The following SLC9A3 variants were observed in gnomAD, a reference collection of about 807,000 sequenced individuals.
SLC9A3 encodes the protein solute carrier family 9 member A3, also known as sodium/hydrogen exchanger 3.
Under a neutral mutation model 86.8 loss-of-function variants are expected in SLC9A3, and 37 were observed. The observed-to-expected ratio is 0.43, with a 90% CI of 0.33 to 0.56. The LOEUF (loss-of-function observed/expected upper bound fraction) is 0.56, where lower values mean the gene tolerates loss of function less well. SLC9A3 is among the 20% of genes least tolerant of loss of function. SLC9A3 has a pLI of 0.06. For synonymous variants in SLC9A3, 581 were observed against 528.3 expected, an observed-to-expected ratio of 1.10 and a Z score of -1.37; for missense variants, 1,011 against 1,171.9, an observed-to-expected ratio of 0.86 and a Z score of 2.00.
In SLC9A3 at chr5:484,383, G is replaced by A. The variant is rs149669616; in HGVS notation, c.932+137C>T. 16,581 of 234,640 alleles carry A rather than the reference G, an allele frequency of 0.071. 1,148 individuals are homozygous for A. The highest frequency in any genetic ancestry group is 0.19 in the East Asian group (1,832 of 9,554). The allele number at this position is 234,640 out of a possible 1,614,324, so 14.5% of individuals were successfully genotyped here. ...GGGTTGGGGTCCCCCTGGCTGGCTC[G>A]CCCCGCCGGACCCAGGAGGGTGTGG... On this transcript the variant is annotated intron_variant, in intron 5 of 16. Transcript: ENST00000264938.
chr5:498,939 G>A (rs550175803), intron 1 of SLC9A3, among the ~76,000 whole-genome samples: 1 of 152,306 alleles, frequency 6.6e-6, no homozygotes, highest in East Asian at 1.9e-4. Context: ...AGGGTGGGGG[G>A]TCTCCTGGGC....
intron 1 of SLC9A3, among the ~76,000 whole-genome samples, chr5:509,731 T>C (rs575666307): frequency 6.7e-6 from 1 of 149,904 alleles, no homozygotes; most frequent in African/African-American, 2.5e-5. Context: ...TGTCAGGGAG[T>C]GAGAGGAGAA....
chr5:507,569 G>A (rs1686867083), intron 1 of SLC9A3, among the ~76,000 whole-genome samples: 1 of 151,572 alleles, frequency 6.6e-6, no homozygotes, highest in African/African-American at 2.4e-5. Flanking sequence ...CCATTCTGGG[G>A]GGATCCAAAG....
Position 479,918 on chromosome 5 carries a change from C to T in SLC9A3, c.1565G>A (p.Arg522Gln), listed in dbSNP as rs139467260. The T allele has an allele frequency of 1.0e-4, 162 of 1,613,948 alleles. No individual in the cohort carries two copies. In the African/African-American group the frequency reaches 1.8e-3, roughly 18 times the overall value. ...RKFLSRVLMR[R>Q]SAQKSRDRIL... Reference sequence around the variant, plus strand: ...CCGGTCTCGAGACTTCTGGGCCGACCGTCTCATGAGGACCCTGCTGAGGAA... The same window carrying T: ...CCGGTCTCGAGACTTCTGGGCCGACTGTCTCATGAGGACCCTGCTGAGGAA... Residue 522 changes from arginine to glutamine, a missense_variant, in exon 10 of 17, where the codon CGG (arginine) becomes CAG (glutamine). Arg to Gln is a conservative substitution (Grantham distance 43, BLOSUM62 1). Transcript: ENST00000264938.
At chr5:481,709 C>A (rs1474128452) in intron 8 of SLC9A3, 74 bp from the exon 9 acceptor site, 9 of 1,307,820 alleles carry the variant, frequency 6.9e-6, no homozygotes, top group Admixed American at 1.7e-5. Context: ...CCACTCCTGG[C>A]CCAGCCCCGA....
Position 473,333 on chromosome 5 carries a change from G to A in SLC9A3, c.*46C>T, listed in dbSNP as rs1723816757. The A allele has an allele frequency of 1.4e-6, 2 of 1,410,152 alleles. No individual in the cohort carries two copies. Among genetic ancestry groups the A allele is most frequent in the Non-Finnish European group, 1.9e-6 (2 of 1,076,292 alleles). The allele number at this position is 1,410,152 out of a possible 1,614,324, so 87.4% of individuals were successfully genotyped here. On this transcript the variant is annotated 3_prime_UTR_variant, in exon 17 of 17. Transcript: ENST00000264938. Reference sequence around the variant, plus strand: ...CAGCGGCGGCGGCGGTGGGCGGACCGTGGCGCGGGGACGAGCGGCCGGTTA... The same window carrying A: ...CAGCGGCGGCGGCGGTGGGCGGACCATGGCGCGGGGACGAGCGGCCGGTTA...
chr5:473,651 C>T (rs1040725849), intron 16 of SLC9A3, among the ~76,000 whole-genome samples: 2 of 152,328 alleles, frequency 1.3e-5, no homozygotes, highest in East Asian at 3.9e-4. Flanking sequence ...CAGGAAGGTC[C>T]CGCCCCAGGC....
intron 1 of SLC9A3, among the ~76,000 whole-genome samples, chr5:492,410 G>A (rs1439815922): frequency 8.1e-6 from 1 of 123,308 alleles, no homozygotes; most frequent in East Asian, 2.6e-4. Flanking sequence ...GGAGGTCGGG[G>A]TGGGACCTGC....
chr5:498,766 C>T (rs753181359), intron 1 of SLC9A3, among the ~76,000 whole-genome samples: 2 of 152,216 alleles, frequency 1.3e-5, no homozygotes, highest in Admixed American at 6.5e-5. Context: ...TCTGCACAAC[C>T]CCGCTTTGGG....
rs967876197 is a variant in SLC9A3, at chr5:481,723, A to G, written c.1447-88T>C. 37 of 1,128,832 alleles carry G rather than the reference A, an allele frequency of 3.3e-5. No homozygotes were observed. The Admixed American group carries it at 6.1e-4, about 19-fold the overall frequency. 69.9% of individuals were successfully genotyped at this position (1,128,832 alleles called of 1,614,324 possible). ...TCCACTCCTGGCCCAGCCCCGAGGA[A>G]CCCACCAGCCCCCCTCACCACGCCC... is the stretch of plus-strand genomic sequence containing the variant. On this transcript the variant is annotated intron_variant, in intron 8 of 16. Transcript: ENST00000264938.
chr5:481,581 T>G lies in SLC9A3; in HGVS notation c.1501A>C (p.Asn501His), dbSNP rs755641831. The change falls in exon 9 of 17, where the codon AAT (asparagine) becomes CAT (histidine). Residue 501 changes from asparagine (N) to histidine (H), a missense_variant. Coordinates refer to ENST00000264938, the MANE Select transcript of SLC9A3 (RefSeq NM_004174.4). ...GCCACTTACTTGTCTCTGAGATAAT[T>G]GTGCCCGATCTGTCCGGATATGTCC... is the stretch of plus-strand genomic sequence containing the variant. ...IEDISGQIGH[N>H]YLRDKWSHFD... 6.2e-7 allele frequency: 1 copy of G among 1,613,984 alleles called. No individual in the cohort carries two copies.
At chr5:473,445 C>G in intron 16 of SLC9A3, 63 bp from the exon 17 acceptor site, 1 of 1,306,076 alleles carries the variant, frequency 7.7e-7, no homozygotes. Flanking sequence ...AGGGGCGTCC[C>G]CGGGGGCCTC....
chr5:484,787 GC>G, intron 4 of SLC9A3, 90 bp from the exon 5 acceptor site: 2 of 1,304,714 alleles, frequency 1.5e-6, no homozygotes, highest in Non-Finnish European at 2.2e-6. Context: ...AGTGCCGGGA[GC>G]CCGGGAAACG....
chr5:476,489 G>T, intron 12 of SLC9A3, 54 bp downstream of exon 12: 1 of 1,603,088 alleles, frequency 6.2e-7, no homozygotes. Flanking sequence ...GGACGAGGAA[G>T]CCGCCCCACG....
At chr5:483,955 C>T (rs1739343362) in intron 5 of SLC9A3, among the ~76,000 whole-genome samples, 1 of 152,280 alleles carries the variant, frequency 6.6e-6, no homozygotes, top group Admixed American at 6.5e-5. Flanking sequence ...GGAGGCCCTC[C>T]ACTTCCTGTA....
intron 2 of SLC9A3, among the ~76,000 whole-genome samples, chr5:488,915 G>A (rs912405025): frequency 2.0e-5 from 3 of 152,272 alleles, no homozygotes; most frequent in African/African-American, 4.8e-5. Context: ...TGGGAGGGCC[G>A]TTGGGGGTGT....
intron 1 of SLC9A3, among the ~76,000 whole-genome samples, chr5:509,819 A>G (rs1313408404): frequency 2.0e-5 from 3 of 152,186 alleles, no homozygotes; most frequent in African/African-American, 7.2e-5. Flanking sequence ...CATGGATGCC[A>G]GAAGAAGCTG....
At position 472,838 on chromosome 5, in the gene SLC9A3, G is replaced by T. The variant is rs530682840; in HGVS notation, c.*541C>A. On this transcript the variant is annotated 3_prime_UTR_variant, in exon 17 of 17. Transcript: ENST00000264938. ...CAGTCCCCGGGCGCGGGGCTCGGTT[G>T]GGGGGGCCCGGAACCTTGGGCTGGT... 9.6e-6 allele frequency: 5 copies of T among 520,594 alleles called. No individual in the cohort carries two copies. Among genetic ancestry groups the T allele is most frequent in the African/African-American group, 6.2e-5 (3 of 48,538 alleles). The allele number at this position is 520,594 out of a possible 1,614,324, so 32.2% of individuals were successfully genotyped here.
intron 1 of SLC9A3, among the ~76,000 whole-genome samples, chr5:502,522 C>T (rs567538368): frequency 7.9e-5 from 12 of 152,314 alleles, no homozygotes; most frequent in East Asian, 1.9e-4. Flanking sequence ...CCTGGGGCAA[C>T]GGAAGTCACG....
Sources: gnomAD v4.1 joint callset for allele counts (sites outside exome capture counted in the v4.1 genomes callset) on GRCh38, gnomAD v4.1.1 for gene constraint, MANE v1.5 for transcripts, NCBI Gene and HGNC (gene_info 2026-07-23, HGNC 2026-07-21) for gene names.